TRIM63: variants seen among roughly 807,000 people sequenced by gnomAD.
The protein encoded by TRIM63 is E3 ubiquitin-protein ligase TRIM63.
Under a neutral mutation model 46.0 loss-of-function variants are expected in TRIM63, and 48 were observed. The observed-to-expected ratio is 1.04, with a 90% CI of 0.83 to 1.33. The LOEUF (loss-of-function observed/expected upper bound fraction) is 1.33. TRIM63 is among the 40% of genes most tolerant of loss of function. The pLI is 0.00. For synonymous variants in TRIM63, 175 were observed against 162.8 expected (o/e 1.08, Z -0.57); for missense variants, 455 against 441.2 (o/e 1.03, Z -0.28).
At chr1:26,053,745 T>C in intron 8 of TRIM63, 148 bp downstream of exon 8, 1 of 601,620 alleles carries the variant, frequency 1.7e-6, no homozygotes, top group Non-Finnish European at 2.9e-6. Flanking sequence ...GAACAGGACT[T>C]TACCCTCAGT....
rs60719420 is a variant in TRIM63 at position 26,054,968 on chromosome 1, CAA to C, written c.980-1006_980-1005del. On this transcript the variant is annotated intron_variant, in intron 7 of 8. Transcript: ENST00000374272. The stretch of plus-strand genomic sequence containing the variant: ...GGGCGACAAGAGCAAAACTCCGTCT[CAA>C]AAAAAAAAAAAAAAAATAGTATCTC... Among the ~76,000 whole-genome samples the C allele has an allele frequency of 2.8e-3, 271 of 97,366 alleles. 2 individuals carry two copies. The highest frequency in any genetic ancestry group is 0.026 in the South Asian group (77 of 2,940). The allele number at this position is 97,366 out of a possible 152,430, so 63.9% of individuals were successfully genotyped here.
At chr1:26,057,116 T>G (rs2050579173) in intron 7 of TRIM63, 87 bp downstream of exon 7, 2 of 1,525,520 alleles carry the variant, frequency 1.3e-6, no homozygotes, top group African/African-American at 1.4e-5. Flanking sequence ...TTAGTGTATC[T>G]GCCTCCCCAT....
Position 26,061,353 on chromosome 1 carries a change from A to G in TRIM63, c.333-19T>C. On this transcript the variant is annotated intron_variant, in intron 2 of 8. Coordinates refer to ENST00000374272, the MANE Select transcript of TRIM63 (RefSeq NM_032588.4). ...CGGCCGACTGCAGTGGAGAACAGTC[A>G]CAAGTCATGGGGGTCCTGTGTCCCT... 1 of 1,611,968 alleles carries G rather than the reference A, an allele frequency of 6.2e-7. No individual in the cohort carries two copies. The highest frequency in any genetic ancestry group is 2.2e-5 in the East Asian group (1 of 44,840).
At position 26,057,294 on chromosome 1, in the gene TRIM63, C is replaced by T; in HGVS notation, c.888G>A (p.Gly296=). ...TGTTCTCAAAGCCCTGCTCTGTCTT[C>T]CCCAGCTGGCAGCCCTTGGAAGCTT... The part of the protein sequence containing the change: ...IVEASKGCQL[G]KTEQGFENMD... The change falls in exon 7 of 9, where the codon GGG becomes GGA. Residue 296 remains glycine (G), a synonymous_variant. Transcript: ENST00000374272. 6.2e-7 allele frequency: 1 copy of T among 1,614,166 alleles called. No homozygotes were observed. The highest frequency in any genetic ancestry group is 8.5e-7 in the Non-Finnish European group (1 of 1,180,026).
intron 2 of TRIM63, among the ~76,000 whole-genome samples, chr1:26,063,430 G>A (rs1569744254): frequency 6.6e-6 from 1 of 152,296 alleles, no homozygotes; most frequent in East Asian, 1.9e-4. Context: ...GTCCTCTGAA[G>A]TTCTTAAATA....
intron 7 of TRIM63, among the ~76,000 whole-genome samples, chr1:26,056,919 C>T (rs1015618071): frequency 3.3e-5 from 5 of 152,270 alleles, no homozygotes; most frequent in East Asian, 1.9e-4. Context: ...CATGCCATCA[C>T]GCCTGGCTAA....
Position 26,067,626 on chromosome 1 carries a change from A to G in TRIM63, c.-132T>C. ...TTGGCTTCCTTCTCCTGGTGCCCGA[A>G]TTCTGTCTTGGTCTGAGGCCCCTCT... is the stretch of plus-strand genomic sequence containing the variant. On this transcript the variant is annotated 5_prime_UTR_variant, in exon 1 of 9. Transcript: ENST00000374272. 9.9e-7 allele frequency: 1 copy of G among 1,005,494 alleles called. No homozygotes were observed. The highest frequency in any genetic ancestry group is 1.4e-6 in the Non-Finnish European group (1 of 697,708). The allele number at this position is 1,005,494 out of a possible 1,614,324, so 62.3% of individuals were successfully genotyped here.
At chr1:26,060,944 C>A (rs2050618443) in intron 3 of TRIM63, among the ~76,000 whole-genome samples, 1 of 152,150 alleles carries the variant, frequency 6.6e-6, no homozygotes, top group African/African-American at 2.4e-5. Flanking sequence ...TCCCCTGTGG[C>A]CACACCCAGG....
rs1006764593 is a variant in TRIM63, at chr1:26,063,533, T to A, written c.333-2199A>T. Among the ~76,000 whole-genome samples, 5 of 152,168 alleles carry A rather than the reference T, an allele frequency of 3.3e-5. No homozygotes were observed. The East Asian group carries it at 9.6e-4, about 29-fold the overall frequency. ...ATTGCCACCTGCCTCCATCCCCTGATAAAGGGATGGCAGGGAGTGCAGAGG... is the reference window on the plus strand; with the variant it reads ...ATTGCCACCTGCCTCCATCCCCTGAAAAAGGGATGGCAGGGAGTGCAGAGG... On this transcript the variant is annotated intron_variant, in intron 2 of 8. Coordinates refer to ENST00000374272, the MANE Select transcript of TRIM63 (RefSeq NM_032588.4).
chr1:26,058,305 T>A, intron 5 of TRIM63, 85 bp downstream of exon 5: 1 of 1,226,366 alleles, frequency 8.2e-7, no homozygotes, highest in Non-Finnish European at 1.2e-6. Context: ...CAAGGGCCCA[T>A]GGGTGGTCAG....
In TRIM63 at chr1:26,051,787, CCCTG is replaced by C; in HGVS notation, c.*82_*85del. On this transcript the variant is annotated 3_prime_UTR_variant, in exon 9 of 9. Coordinates refer to ENST00000374272, the MANE Select transcript of TRIM63 (RefSeq NM_032588.4). ...CCTCCAGGGGCCCCGACCCCTCCCACCCTGGGCCTGTCACCAAGGCCGCTGGGCC... is the reference window on the plus strand; with the variant it reads ...CCTCCAGGGGCCCCGACCCCTCCCACGGCCTGTCACCAAGGCCGCTGGGCC... 1 of 755,310 alleles carries C rather than the reference CCCTG, an allele frequency of 1.3e-6. No homozygotes were observed. Among genetic ancestry groups the C allele is most frequent in the Non-Finnish European group, 1.9e-6 (1 of 525,410 alleles). The allele number at this position is 755,310 out of a possible 1,614,324, so 46.8% of individuals were successfully genotyped here.
In TRIM63 at chr1:26,051,796, T is replaced by C; in HGVS notation, c.*77A>G. 2.8e-5 allele frequency: 7 copies of C among 250,258 alleles called. No homozygotes were observed. The highest frequency in any genetic ancestry group is 1.2e-4 in the East Asian group (1 of 8,582). 15.5% of individuals were successfully genotyped at this position (250,258 alleles called of 1,614,324 possible). On this transcript the variant is annotated 3_prime_UTR_variant, in exon 9 of 9. Transcript: ENST00000374272. ...GCCCCGACCCCTCCCACCCTGGGCC[T>C]GTCACCAAGGCCGCTGGGCCCCTCC...
At chr1:26,060,152 G>A (rs974480724) in intron 4 of TRIM63, 114 bp downstream of exon 4, 11 of 776,790 alleles carry the variant, frequency 1.4e-5, no homozygotes, top group East Asian at 1.0e-4. Context: ...CTGCTTGACC[G>A]CCCCAGGCTC....
intron 8 of TRIM63, among the ~76,000 whole-genome samples, chr1:26,052,877 G>T (rs2050534997): frequency 6.6e-6 from 1 of 152,152 alleles, no homozygotes; most frequent in African/African-American, 2.4e-5. Context: ...TGAAAATGCA[G>T]ATTCTTAGTT....
chr1:26,059,363 C>T (rs2050601918), intron 4 of TRIM63, among the ~76,000 whole-genome samples: 1 of 152,028 alleles, frequency 6.6e-6, no homozygotes, highest in African/African-American at 2.4e-5. Context: ...AGCTGTGTGA[C>T]CTTCAACAAA....
intron 6 of TRIM63, 81 bp from the exon 7 acceptor site, chr1:26,057,408 C>T (rs184996266): frequency 1.9e-6 from 3 of 1,552,942 alleles, no homozygotes; most frequent in African/African-American, 2.7e-5. Flanking sequence ...CTTTGCCACG[C>T]CCAGGCCTTC....
At chr1:26,067,233 G>T (rs899223214) in intron 1 of TRIM63, 103 bp downstream of exon 1, 1 of 1,433,622 alleles carries the variant, frequency 7.0e-7, no homozygotes, top group Non-Finnish European at 9.4e-7. Flanking sequence ...CTTCCAAGGG[G>T]AAAGAGGCTG....
intron 7 of TRIM63, 83 bp from the exon 8 acceptor site, chr1:26,054,047 G>T (rs1453770430): frequency 1.1e-5 from 11 of 964,196 alleles, no homozygotes; most frequent in South Asian, 3.4e-5. Flanking sequence ...GAGAGAGCAC[G>T]GTCTAAACCC....
intron 2 of TRIM63, among the ~76,000 whole-genome samples, chr1:26,063,522 C>T (rs1426805059): frequency 6.6e-6 from 1 of 152,336 alleles, no homozygotes; most frequent in African/African-American, 2.4e-5. Context: ...CCACCTGCCT[C>T]CATCCCCTGA....
Sources: allele counts gnomAD v4.1 joint callset (sites outside exome capture counted in the v4.1 genomes callset), GRCh38; gene constraint gnomAD v4.1.1; transcripts MANE v1.5; gene names NCBI Gene and HGNC (gene_info 2026-07-23, HGNC 2026-07-21).